Variants in CACNG6 observed in about 807,000 individuals in gnomAD.
CACNG6 encodes voltage-dependent calcium channel gamma-6 subunit.
CACNG6 carries 21 observed loss-of-function variants against 23.9 expected under a neutral mutation model. The ratio of observed to expected loss-of-function variants is 0.88; its 90% CI spans 0.62 to 1.26. The LOEUF is 1.26. CACNG6 is among the 50% of genes most tolerant of loss of function. The pLI, the probability that CACNG6 is intolerant of heterozygous loss-of-function variation, is 0.00. For synonymous variants in CACNG6, 182 were observed against 168.9 expected (o/e 1.08, Z -0.60); for missense variants, 340 against 352.9 (o/e 0.96, Z 0.29).
In CACNG6 at chr19:54,012,167, A is replaced by G. The variant is rs747892500; in HGVS notation, c.761A>G (p.Lys254Arg). The change falls in exon 4 of 4, where the codon AAG becomes AGG. Residue 254 changes from lysine (K) to arginine (R), a missense_variant. Coordinates refer to ENST00000252729, the MANE Select transcript of CACNG6 (RefSeq NM_145814.2). Reference protein sequence around the residue: ...PSWPWGSLCPKRGHRAT With the variant: ...PSWPWGSLCPRRGHRAT ...TGGCCCTGGGGGTCCCTCTGTCCCA[A>G]GCGGGGGCACCGGGCCACCTAGAGC... 2 of 1,449,070 alleles carry G rather than the reference A, an allele frequency of 1.4e-6. No homozygotes were observed. The highest frequency in any genetic ancestry group is 1.8e-6 in the Non-Finnish European group (2 of 1,093,556). 89.8% of individuals were successfully genotyped at this position (1,449,070 alleles called of 1,614,324 possible).
intron 3 of CACNG6, among the ~76,000 whole-genome samples, chr19:54,005,239 AAATAAATAAAT>A (rs1241813714): frequency 8.5e-6 from 1 of 118,266 alleles, no homozygotes; most frequent in African/African-American, 3.5e-5. Context: ...ATAAATAAAT[AAATAAATAAAT>A]AATAATAAAA....
In CACNG6 at chr19:54,012,277, A is replaced by G; in HGVS notation, c.*88A>G. The G allele has an allele frequency of 1.8e-6, 1 of 569,800 alleles. No homozygotes were observed. The highest frequency in any genetic ancestry group is 2.9e-6 in the Non-Finnish European group (1 of 346,636). 35.3% of individuals were successfully genotyped at this position (569,800 alleles called of 1,614,324 possible). On this transcript the variant is annotated 3_prime_UTR_variant, in exon 4 of 4. Coordinates refer to ENST00000252729, the MANE Select transcript of CACNG6 (RefSeq NM_145814.2). Reference sequence around the variant, plus strand: ...AAGATCTTTTTGCCCCATCTCCTAGAGAAACTGTGTTCTCCCTGCTCGGGG... The same window carrying G: ...AAGATCTTTTTGCCCCATCTCCTAGGGAAACTGTGTTCTCCCTGCTCGGGG...
At chr19:54,000,659 A>G (rs2069566135) in intron 3 of CACNG6, among the ~76,000 whole-genome samples, 2 of 151,808 alleles carry the variant, frequency 1.3e-5, no homozygotes, top group Non-Finnish European at 2.9e-5. Context: ...GCTCACTGCA[A>G]CCTCCGCCTG....
At chr19:53,994,172 G>A (rs2069497693) in intron 1 of CACNG6, among the ~76,000 whole-genome samples, 1 of 152,102 alleles carries the variant, frequency 6.6e-6, no homozygotes, top group Non-Finnish European at 1.5e-5. Flanking sequence ...GCCCTGGGGA[G>A]ACAGACGCCC....
chr19:53,992,909 AGAACCGGCGGCGGGGGGCCGC>A lies in CACNG6; in HGVS notation c.34_54del (p.Asn12_Ala18del), dbSNP rs1177827017. ...TGGTCCAACTTCTTCCTGCAAGAGG[AGAACCGGCGGCGGGGGGCCGC>A]GGGCCGGCGGCGGGCGCACGGGCAG... is the stretch of plus-strand genomic sequence containing the variant. On this transcript the variant is annotated inframe_deletion, in exon 1 of 4. Transcript: ENST00000252729. The surrounding 1 kb of genome is among the most constrained non-coding windows in gnomAD (Gnocchi z 4.1). The A allele has an allele frequency of 7.1e-7, 1 of 1,406,422 alleles. No homozygotes were observed. Among genetic ancestry groups the A allele is most frequent in the Non-Finnish European group, 9.2e-7 (1 of 1,082,648 alleles). The allele number at this position is 1,406,422 out of a possible 1,614,324, so 87.1% of individuals were successfully genotyped here. A position where few individuals can be genotyped will look rare whatever the true frequency, so the allele number is the denominator to read the frequency against.
At position 53,998,424 on chromosome 19, in the gene CACNG6, G is replaced by A. The variant is rs571058523; in HGVS notation, c.406+111G>A. On this transcript the variant is annotated intron_variant, in intron 2 of 3. Coordinates refer to ENST00000252729, the MANE Select transcript of CACNG6 (RefSeq NM_145814.2). ...TCTGCTTTACCCCAGGGCAGGTCTC[G>A]TGTCTATAATCTGTGGCTGTCCCCT... 4.0e-4 allele frequency: 361 copies of A among 908,114 alleles called. 3 individuals carry two copies. In the African/African-American group the frequency reaches 4.6e-3, roughly 12 times the overall value. 56.3% of individuals were successfully genotyped at this position (908,114 alleles called of 1,614,324 possible).
intron 3 of CACNG6, among the ~76,000 whole-genome samples, chr19:54,005,526 C>T (rs1321282232): frequency 6.6e-6 from 1 of 151,328 alleles, no homozygotes; most frequent in Non-Finnish European, 1.5e-5. Flanking sequence ...GAGGCTGAGG[C>T]GGGCAGATCT....
intron 3 of CACNG6, among the ~76,000 whole-genome samples, chr19:54,009,068 C>G (rs542488401): frequency 2.6e-5 from 4 of 152,292 alleles, no homozygotes; most frequent in Non-Finnish European, 5.9e-5. Flanking sequence ...GTGAGTGGAT[C>G]GCTTGAGGTC....
At chr19:54,002,484 C>CT (rs11305908) in intron 3 of CACNG6, among the ~76,000 whole-genome samples, 10,516 of 141,398 alleles carry the variant, frequency 0.074, 459 homozygotes, top group East Asian at 0.18. Flanking sequence ...TCTATTTCTC[C>CT]TTTTTTTTTT....
chr19:54,006,517 C>CTTTTTTTTTTTTTTTTTTT (rs1236056716), intron 3 of CACNG6, among the ~76,000 whole-genome samples: 33 of 107,318 alleles, frequency 3.1e-4, no homozygotes, highest in African/African-American at 1.2e-3. Context: ...TTCCTTCTTT[C>CTTTTTTTTTTTTTTTTTTT]TTTTCTTTTT....
At chr19:53,991,476 C>A (rs112708899), upstream of CACNG6, among the ~76,000 whole-genome samples, 4 of 152,108 alleles carry the variant, frequency 2.6e-5, no homozygotes, top group Non-Finnish European at 4.4e-5. Flanking sequence ...CTCCCTCCCC[C>A]CTTCCTCGTC....
intron 3 of CACNG6, among the ~76,000 whole-genome samples, chr19:54,011,205 A>AAAATATATATATATATATATATAT (rs58054808): frequency 2.0e-5 from 2 of 102,542 alleles, no homozygotes; most frequent in Admixed American, 1.2e-4. Context: ...AAAAAAAAAA[A>AAAATATATATATATATATATATAT]ATATATATAT....
intron 3 of CACNG6, among the ~76,000 whole-genome samples, chr19:54,001,576 C>T (rs545561641): frequency 1.3e-5 from 2 of 152,170 alleles, no homozygotes; most frequent in Non-Finnish European, 2.9e-5. Flanking sequence ...AACGCCAGCA[C>T]CAAATTCCTA....
intron 3 of CACNG6, among the ~76,000 whole-genome samples, chr19:54,009,118 G>A (rs1220939039): frequency 1.3e-5 from 2 of 152,064 alleles, no homozygotes; most frequent in Non-Finnish European, 2.9e-5. Flanking sequence ...GTGAAACCAT[G>A]ACTCTACTAA....
intron 3 of CACNG6, among the ~76,000 whole-genome samples, chr19:54,007,910 GAA>G (rs5828566): frequency 0.012 from 1,704 of 138,622 alleles, 43 homozygotes; most frequent in African/African-American, 0.041. Context: ...AAAGAGAAAA[GAA>G]AAAAAAAAAA....
intron 2 of CACNG6, among the ~76,000 whole-genome samples, chr19:53,999,048 A>G (rs1319260065): frequency 6.6e-6 from 1 of 151,392 alleles, no homozygotes; most frequent in Non-Finnish European, 1.5e-5. Context: ...TATTCTTCCC[A>G]GGAAAATTTT....
At chr19:54,001,214 G>A (rs1302637122) in intron 3 of CACNG6, among the ~76,000 whole-genome samples, 1 of 147,608 alleles carries the variant, frequency 6.8e-6, no homozygotes, top group Non-Finnish European at 1.5e-5. Context: ...TTGAGACAGA[G>A]TTTCGCTCTT....
chr19:54,004,336 TG>T (rs1477990674), intron 3 of CACNG6, among the ~76,000 whole-genome samples: 7,902 of 29,650 alleles, frequency 0.27, 445 homozygotes, highest in East Asian at 0.5. Context: ...TTTGTATTTT[TG>T]TGTGTGTGTG....
chr19:54,007,191 C>G (rs532662310), intron 3 of CACNG6, among the ~76,000 whole-genome samples: 1 of 151,990 alleles, frequency 6.6e-6, no homozygotes, highest in Non-Finnish European at 1.5e-5. Context: ...TGGGATTACA[C>G]GCATGCACCA....
Sources: gnomAD v4.1 joint callset for allele counts (sites outside exome capture counted in the v4.1 genomes callset) on GRCh38, gnomAD v4.1.1 for gene constraint, Gnocchi (gnomAD v3.1) non-coding constraint, MANE v1.5 for transcripts, NCBI Gene and HGNC (gene_info 2026-07-23, HGNC 2026-07-21) for gene names.